The following IFT27 variants were observed in gnomAD, a reference collection of about 807,000 sequenced individuals.
IFT27 encodes the protein intraflagellar transport 27, also known as intraflagellar transport protein 27 homolog.
In IFT27, 19 loss-of-function variants were observed where a neutral mutation model predicts 23.9. The observed-to-expected ratio is 0.79, with a 90% CI of 0.55 to 1.16. The LOEUF (loss-of-function observed/expected upper bound fraction) is 1.16. Ranked by LOEUF, IFT27 falls within the 50% of genes most tolerant of loss-of-function variation. The pLI is 0.00. For missense variants in IFT27, 206 were observed against 228.7 expected (o/e 0.90, Z 0.64); for synonymous variants, 91 against 89.1 (o/e 1.02, Z -0.12).
At chr22:36,767,147 T>C (rs1601498003) in intron 3 of IFT27, 159 bp downstream of exon 3, 3 of 563,472 alleles carry the variant, frequency 5.3e-6, no homozygotes, top group Admixed American at 5.5e-5. Context: ...ACCTCCTCAG[T>C]CCCTCCCTTG....
chr22:36,773,937 C>T (rs1456393076), intron 1 of IFT27, among the ~76,000 whole-genome samples: 2 of 152,132 alleles, frequency 1.3e-5, no homozygotes. Context: ...ACCCAAAGCG[C>T]CAGTAAGTTA....
In IFT27 at chr22:36,769,711, G is replaced by T. The variant is rs757090848; in HGVS notation, c.35-1849C>A. 3.9e-5 allele frequency among the ~76,000 whole-genome samples: 6 copies of T among 152,126 alleles called. No individual in the cohort carries two copies. In the East Asian group the frequency reaches 1.2e-3, roughly 29 times the overall value. ...TTCCATGACATCTGGGGCAACCACA[G>T]CCTAGACTGTCAAGGGGTACCCACC... On this transcript the variant is annotated intron_variant, in intron 1 of 6. Coordinates refer to ENST00000433985, the MANE Select transcript of IFT27 (RefSeq NM_001177701.3).
At position 36,768,169 on chromosome 22, in the gene IFT27, T is replaced by C. The variant is rs1938303116; in HGVS notation, c.35-307A>G. 9 of 507,146 alleles carry C rather than the reference T, an allele frequency of 1.8e-5. No homozygotes were observed. In the Admixed American group the frequency reaches 1.9e-4, roughly 11 times the overall value. 31.4% of individuals were successfully genotyped at this position (507,146 alleles called of 1,614,324 possible). A position where few individuals can be genotyped will look rare whatever the true frequency, so the allele number is the denominator to read the frequency against. Reference sequence around the variant, plus strand: ...GGAAACGGAACTGACGCTCTTCCACTGAAACACGCCCTATGGGGAAAAGCT... The same window carrying C: ...GGAAACGGAACTGACGCTCTTCCACCGAAACACGCCCTATGGGGAAAAGCT... On this transcript the variant is annotated intron_variant, in intron 1 of 6. Transcript: ENST00000433985.
chr22:36,760,989 G>A (rs923789583), intron 6 of IFT27: 4 of 166,852 alleles, frequency 2.4e-5, no homozygotes, highest in South Asian at 2.1e-4. Flanking sequence ...CTCAAGCTGC[G>A]TTTGCTTATA....
intron 1 of IFT27, chr22:36,772,508 T>C: frequency 1.0e-6 from 1 of 985,386 alleles, no homozygotes; most frequent in Non-Finnish European, 1.2e-6. Context: ...CAATGTCAAA[T>C]GTTGTTTTCT....
At chr22:36,761,246 C>T (rs1196962580) in intron 6 of IFT27, 2 of 152,118 alleles carry the variant, frequency 1.3e-5, no homozygotes, top group African/African-American at 4.8e-5. Flanking sequence ...ATCAAGCGTT[C>T]TAGGGAATAT....
intron 6 of IFT27, chr22:36,759,365 T>A (rs897887699): frequency 1.3e-5 from 2 of 152,168 alleles, no homozygotes; most frequent in Non-Finnish European, 2.9e-5. Context: ...ATCGTGAATA[T>A]CTTTGTGACT....
intron 5 of IFT27, chr22:36,763,668 C>T (rs1171090131): frequency 5.2e-5 from 30 of 573,594 alleles, no homozygotes; most frequent in African/African-American, 3.7e-5. Context: ...AGCACCCTCC[C>T]GTTATTGAGT....
intron 6 of IFT27, chr22:36,760,375 C>T (rs919888951): frequency 3.3e-5 from 5 of 152,218 alleles, no homozygotes; most frequent in Non-Finnish European, 5.9e-5. Context: ...GACACCACGG[C>T]GTGCTTCTGA....
At chr22:36,772,851 CAT>C in intron 1 of IFT27, 1 of 775,536 alleles carries the variant, frequency 1.3e-6, no homozygotes, top group Non-Finnish European at 1.6e-6. Flanking sequence ...AAACCAATGG[CAT>C]GTGTGTGGTG....
In IFT27 at chr22:36,758,374, G is replaced by A; in HGVS notation, c.498C>T (p.Cys166=). ...EMENFEAPFH[C]LAKQFHQLYR... ...ACAGCTGGTGGAACTGCTTGGCAAG[G>A]CAGTGGAAAGGGGCTTCGAAGTTTT... Residue 166 remains cysteine, a synonymous_variant, in exon 7 of 7, where the codon TGC becomes TGT. Coordinates refer to ENST00000433985, the MANE Select transcript of IFT27 (RefSeq NM_001177701.3). The A allele has an allele frequency of 6.2e-7, 1 of 1,614,156 alleles. No individual in the cohort carries two copies. The highest frequency in any genetic ancestry group is 1.1e-5 in the South Asian group (1 of 91,082).
intron 5 of IFT27, chr22:36,763,302 A>G (rs1938148418): frequency 5.5e-6 from 2 of 362,146 alleles, no homozygotes; most frequent in African/African-American, 4.2e-5. Context: ...AAACGCCTGA[A>G]GGCGAGGGCC....
intron 1 of IFT27, among the ~76,000 whole-genome samples, chr22:36,769,896 TCTGA>T (rs1938352815): frequency 6.6e-6 from 1 of 152,184 alleles, no homozygotes; most frequent in Non-Finnish European, 1.5e-5. Flanking sequence ...AAATCTTTCC[TCTGA>T]CTGTCAGTCA....
chr22:36,766,749 C>T (rs542730553), intron 3 of IFT27, among the ~76,000 whole-genome samples: 3 of 152,138 alleles, frequency 2.0e-5, no homozygotes, highest in Admixed American at 6.5e-5. Flanking sequence ...GTGAGAACCC[C>T]CAGGGCTGGT....
intron 4 of IFT27, among the ~76,000 whole-genome samples, chr22:36,764,930 C>T (rs570615489): frequency 4.3e-4 from 65 of 152,282 alleles, no homozygotes; most frequent in Non-Finnish European, 7.5e-4. Flanking sequence ...GGTTTATTTC[C>T]GGGGTGCCAG....
At chr22:36,766,320 C>T (rs1601497158) in intron 3 of IFT27, 123 bp from the exon 4 acceptor site, 8 of 763,810 alleles carry the variant, frequency 1.0e-5, no homozygotes, top group South Asian at 7.5e-5. Flanking sequence ...CACATCTTCA[C>T]ACATGCTCTG....
intron 1 of IFT27, among the ~76,000 whole-genome samples, chr22:36,771,075 C>T (rs749761106): frequency 1.1e-4 from 17 of 152,116 alleles, no homozygotes; most frequent in South Asian, 2.1e-4. Flanking sequence ...TGTTTCCCTA[C>T]TCCCAGACCA....
chr22:36,766,456 C>G, intron 3 of IFT27: 2 of 485,674 alleles, frequency 4.1e-6, no homozygotes, highest in Non-Finnish European at 3.8e-6. Context: ...TCTTGTAACC[C>G]TGAGTGCAAA....
At chr22:36,767,473 G>A (rs1461076130) in intron 2 of IFT27, 108 bp from the exon 3 acceptor site, 3 of 988,306 alleles carry the variant, frequency 3.0e-6, no homozygotes, top group Non-Finnish European at 4.6e-6. Flanking sequence ...TCCAGTGGAA[G>A]GGTTTGTTCT....
Sources: gnomAD v4.1 joint callset for allele counts (sites outside exome capture counted in the v4.1 genomes callset) on GRCh38, gnomAD v4.1.1 for gene constraint, MANE v1.5 for transcripts, NCBI Gene and HGNC (gene_info 2026-07-23, HGNC 2026-07-21) for gene names.